Variants in RPE65 observed in about 807,000 individuals in gnomAD.
The protein encoded by RPE65 is retinoid isomerohydrolase.
A neutral mutation model predicts 68.5 loss-of-function variants in RPE65; 58 were observed. The observed-to-expected ratio is 0.85, with a 90% CI of 0.69 to 1.05. RPE65 has a LOEUF of 1.05. Among genes scored for constraint, RPE65 ranks in the 50% least tolerant of loss-of-function variants. RPE65 has a pLI of 0.00. For missense variants in RPE65, 643 were observed against 629.9 expected, an observed-to-expected ratio of 1.02 and a Z score of -0.22; for synonymous variants, 220 against 222.2, an observed-to-expected ratio of 0.99 and a Z score of 0.09.
chr1:68,432,032 G>GA (rs955979851), intron 10 of RPE65, among the ~76,000 whole-genome samples: 48 of 129,192 alleles, frequency 3.7e-4, no homozygotes, highest in African/African-American at 1.2e-3. Context: ...GATTTTGCTT[G>GA]AAAAAAAAAA....
At position 68,431,387 on chromosome 1, in the gene RPE65, G is replaced by C. The variant is rs780341142; in HGVS notation, c.1244-11C>G. 6.2e-7 allele frequency: 1 copy of C among 1,613,482 alleles called. No individual in the cohort carries two copies. Among genetic ancestry groups the C allele is most frequent in the South Asian group, 1.1e-5 (1 of 91,046 alleles). On this transcript the variant is annotated splice_polypyrimidine_tract_variant and intron_variant, in intron 11 of 13. Transcript: ENST00000262340. ...GAGGAAACTCAAATGCTACGAAATA[G>C]AGCACATGCTTAGGAAAACTCTTAA...
Position 68,429,843 on chromosome 1 carries a change from T to C in RPE65, c.1535A>G (p.Glu512Gly). 1 of 1,613,852 alleles carries C rather than the reference T, an allele frequency of 6.2e-7. No individual in the cohort carries two copies. The highest frequency in any genetic ancestry group is 1.1e-5 in the South Asian group (1 of 91,074). ...AATCTCCACTTCAGCCCGGGCAACT[T>C]CACTTAAGTCCTTGGCATTCAGAAT... The part of the protein sequence containing the change: ...LLILNAKDLS[E>G]VARAEVEINI... Residue 512 changes from glutamate (E) to glycine (G), a missense_variant, in exon 14 of 14, where the codon GAA becomes GGA. Coordinates refer to ENST00000262340, the MANE Select transcript of RPE65 (RefSeq NM_000329.3).
intron 5 of RPE65, among the ~76,000 whole-genome samples, chr1:68,442,160 G>T (rs923348457): frequency 6.6e-6 from 1 of 152,180 alleles, no homozygotes; most frequent in Non-Finnish European, 1.5e-5. Context: ...CAATAAGCCG[G>T]TGTAAAGCAC....
chr1:68,447,556 G>A (rs9436836), intron 2 of RPE65, among the ~76,000 whole-genome samples: 7,090 of 152,256 alleles, frequency 0.047, 306 homozygotes, highest in African/African-American at 0.11. Context: ...TCACAGTTAG[G>A]TTTGTCCCTA....
At chr1:68,441,854 A>T (rs1425943281) in intron 5 of RPE65, among the ~76,000 whole-genome samples, 1 of 152,194 alleles carries the variant, frequency 6.6e-6, no homozygotes, top group Non-Finnish European at 1.5e-5. Context: ...ACCTTATTTA[A>T]ATAATAGGCA....
intron 3 of RPE65, among the ~76,000 whole-genome samples, chr1:68,445,433 T>C (rs919435945): frequency 1.3e-5 from 2 of 152,094 alleles, no homozygotes; most frequent in African/African-American, 4.8e-5. Context: ...CTAAACCATA[T>C]CTTAGAGTAG....
intron 9 of RPE65, among the ~76,000 whole-genome samples, chr1:68,438,567 T>A (rs1306969594): frequency 6.6e-6 from 1 of 152,164 alleles, no homozygotes; most frequent in African/African-American, 2.4e-5. Context: ...GTCACCATTC[T>A]GTTTGTGTCC....
At chr1:68,436,626 G>T (rs1571163051) in intron 10 of RPE65, among the ~76,000 whole-genome samples, 1 of 151,960 alleles carries the variant, frequency 6.6e-6, no homozygotes, top group Admixed American at 6.6e-5. Flanking sequence ...GCACCACCAT[G>T]CCCAGCTAAT....
intron 5 of RPE65, among the ~76,000 whole-genome samples, chr1:68,443,039 G>A (rs558667180): frequency 7.2e-4 from 110 of 152,014 alleles, no homozygotes; most frequent in African/African-American, 2.4e-3. Context: ...TTGCCTTCCC[G>A]TACAGCCCAC....
At chr1:68,430,971 A>G in intron 13 of RPE65, 94 bp downstream of exon 13, 10 of 949,952 alleles carry the variant, frequency 1.1e-5, no homozygotes, top group Non-Finnish European at 1.7e-5. Context: ...GTTTTTGAGT[A>G]TTACGGAATA....
rs1645885024 is a variant in RPE65 at position 68,439,486 on chromosome 1, T to C, written c.725+75A>G. 11 of 1,565,494 alleles carry C rather than the reference T, an allele frequency of 7.0e-6. No individual in the cohort carries two copies. The East Asian group carries it at 1.1e-4, about 16-fold the overall frequency. On this transcript the variant is annotated intron_variant, in intron 7 of 13. Coordinates refer to ENST00000262340, the MANE Select transcript of RPE65 (RefSeq NM_000329.3). ...CTGCAAAAAAATATTGTGATCAGGA[T>C]TGGTATCAAAGGTAGGCAAAGCAAA...
At chr1:68,444,190 T>A (rs748599815) in intron 5 of RPE65, among the ~76,000 whole-genome samples, 2 of 151,634 alleles carry the variant, frequency 1.3e-5, no homozygotes, top group African/African-American at 2.4e-5. Context: ...TGAATGAATA[T>A]GTTAGGCATT....
chr1:68,441,776 T>C (rs1645903967), intron 5 of RPE65, among the ~76,000 whole-genome samples: 1 of 152,084 alleles, frequency 6.6e-6, no homozygotes, highest in African/African-American at 2.4e-5. Context: ...CTGGAATATA[T>C]ATTTATCTAA....
chr1:68,435,143 CTCTCT>C (rs1645852009), intron 10 of RPE65, among the ~76,000 whole-genome samples: 2 of 152,130 alleles, frequency 1.3e-5, no homozygotes, highest in African/African-American at 4.8e-5. Flanking sequence ...TGACGTTACT[CTCTCT>C]TAGTAGGAAC....
At chr1:68,435,844 G>A (rs1003175574) in intron 10 of RPE65, among the ~76,000 whole-genome samples, 9 of 152,070 alleles carry the variant, frequency 5.9e-5, no homozygotes, top group African/African-American at 1.9e-4. Flanking sequence ...TTCCTGATTC[G>A]GCTTCTTTCT....
At chr1:68,443,460 G>A (rs1168930344) in intron 5 of RPE65, among the ~76,000 whole-genome samples, 1 of 152,120 alleles carries the variant, frequency 6.6e-6, no homozygotes, top group East Asian at 1.9e-4. Context: ...AGTCCAAGGA[G>A]ATTATTCTCC....
At position 68,438,925 on chromosome 1, in the gene RPE65, C is replaced by T. The variant is rs1479479509; in HGVS notation, c.998+17G>A. 6.2e-7 allele frequency: 1 copy of T among 1,613,972 alleles called. No individual in the cohort carries two copies. The stretch of plus-strand genomic sequence containing the variant: ...GAACAATGGGAGGTGTCCCATTTGT[C>T]CAGTGTCCTTTCTTACCCTTTCCAG... On this transcript the variant is annotated intron_variant, in intron 9 of 13. Coordinates refer to ENST00000262340, the MANE Select transcript of RPE65 (RefSeq NM_000329.3).
rs1291313112 is a variant in RPE65, at chr1:68,438,169, T to G, written c.1128+18A>C. 1 of 1,613,568 alleles carries G rather than the reference T, an allele frequency of 6.2e-7. No homozygotes were observed. The highest frequency in any genetic ancestry group is 8.5e-7 in the Non-Finnish European group (1 of 1,179,744). On this transcript the variant is annotated intron_variant, in intron 10 of 13. Coordinates refer to ENST00000262340, the MANE Select transcript of RPE65 (RefSeq NM_000329.3). ...AAACATTCTGGTTAAATCTGAAATC[T>G]ACAGAGAAGCAGGTTACCTTGTCAA...
intron 1 of RPE65, among the ~76,000 whole-genome samples, chr1:68,449,460 C>T (rs1190247922): frequency 1.3e-5 from 2 of 152,202 alleles, no homozygotes; most frequent in African/African-American, 4.8e-5. Context: ...TAAACAATTA[C>T]TATGTCCTAC....
Sources: gnomAD v4.1 joint callset for allele counts (sites outside exome capture counted in the v4.1 genomes callset) on GRCh38, gnomAD v4.1.1 for gene constraint, MANE v1.5 for transcripts, NCBI Gene and HGNC (gene_info 2026-07-23, HGNC 2026-07-21) for gene names.